The following ERI2 variants were observed in gnomAD, a reference collection of about 807,000 sequenced individuals.
ERI2 encodes the protein ERI1 exoribonuclease family member 2, also known as ERI1 exoribonuclease 2.
A neutral mutation model predicts 46.8 loss-of-function variants in ERI2; 35 were observed. The ratio of observed to expected loss-of-function variants is 0.75; its 90% CI spans 0.57 to 0.99. The LOEUF is 0.99. Among genes scored for constraint, ERI2 ranks in the 50% least tolerant of loss-of-function variants. The probability of loss-of-function intolerance (pLI) is 0.00; values close to 1 mark genes in which losing one functional copy is unlikely to be tolerated. For synonymous variants in ERI2, 224 were observed against 271.0 expected, an observed-to-expected ratio of 0.83 and a Z score of 1.70; for missense variants, 695 against 796.2, an observed-to-expected ratio of 0.87 and a Z score of 1.53.
At chr16:20,791,782 G>T (rs2080603310), downstream of ERI2, among the ~76,000 whole-genome samples, 1 of 152,054 alleles carries the variant, frequency 6.6e-6, no homozygotes, top group Admixed American at 6.6e-5. Flanking sequence ...ACAAAAATTA[G>T]CCGGGTGTGG....
intron 8 of ERI2, among the ~76,000 whole-genome samples, chr16:20,791,185 TC>T (rs1264917102): frequency 6.6e-6 from 1 of 152,200 alleles, no homozygotes; most frequent in Non-Finnish European, 1.5e-5. Context: ...TAATAAAAGA[TC>T]CAGATGCTAC....
exon 10 of ERI2, chr16:20,789,523 T>C (rs974389924): frequency 9.3e-6 from 15 of 1,613,808 alleles, no homozygotes; most frequent in Non-Finnish European, 1.2e-5. Context: ...TTACTCATAT[T>C]GGGCTTCTGA....
chr16:20,798,749 TA>T lies in ERI2; in HGVS notation c.1050del (p.Ile351SerfsTer45). ...TTTTTTCCTTGCTTTTGCATATAGATAGGTGAATTCAAGGTAGGAGACTGCA... is the reference window on the plus strand; with the variant it reads ...TTTTTTCCTTGCTTTTGCATATAGATGGTGAATTCAAGGTAGGAGACTGCA... ...GQLQSPTLNS[P>X]IYMQKQGKNE... On this transcript the variant is annotated frameshift_variant, in exon 9 of 9. Transcript: ENST00000357967. LOFTEE classifies it high-confidence loss of function. 1 of 1,551,580 alleles carries T rather than the reference TA, an allele frequency of 6.4e-7. No homozygotes were observed. The highest frequency in any genetic ancestry group is 8.7e-7 in the Non-Finnish European group (1 of 1,146,888).
intron 3 of ERI2, 42 bp downstream of exon 3, chr16:20,803,391 C>T: frequency 1.3e-6 from 2 of 1,587,758 alleles, no homozygotes; most frequent in Non-Finnish European, 8.6e-7. Flanking sequence ...TTTAAAGTGA[C>T]TCATCTAGTG....
Position 20,796,520 on chromosome 16 carries a change from T to C in ERI2, c.*1204A>G, listed in dbSNP as rs1596546288. On this transcript the variant is annotated 3_prime_UTR_variant, in exon 9 of 9. Coordinates refer to ENST00000357967, the MANE Select transcript of ERI2 (RefSeq NM_001142725.2). ...CATCCTAATTATAACGAATATTTGC[T>C]CAGTGTTGTGGACAATTTCAAGTGT... 6.2e-7 allele frequency: 1 copy of C among 1,608,742 alleles called. No individual in the cohort carries two copies. Among genetic ancestry groups the C allele is most frequent in the African/African-American group, 1.3e-5 (1 of 74,648 alleles).
intron 10 of ERI2, among the ~76,000 whole-genome samples, chr16:20,781,391 G>A (rs2080349910): frequency 2.0e-5 from 3 of 152,178 alleles, no homozygotes; most frequent in East Asian, 3.9e-4. Flanking sequence ...TTAAAAAAAT[G>A]CAAATAAAAA....
At chr16:20,784,175 C>T (rs2080418348) in intron 10 of ERI2, among the ~76,000 whole-genome samples, 1 of 152,154 alleles carries the variant, frequency 6.6e-6, no homozygotes, top group Middle Eastern at 3.2e-3. Context: ...CTTTTTTCCT[C>T]TAACAATACA....
downstream of ERI2, among the ~76,000 whole-genome samples, chr16:20,791,349 CTT>C (rs931913344): frequency 1.3e-5 from 2 of 152,182 alleles, no homozygotes; most frequent in Admixed American, 6.5e-5. Flanking sequence ...TCTTTTGACT[CTT>C]GAGTATTTAC....
intron 10 of ERI2, chr16:20,780,876 G>A (rs780992713): frequency 6.2e-7 from 1 of 1,613,858 alleles, no homozygotes; most frequent in African/African-American, 1.3e-5. Flanking sequence ...TCACAAAAGT[G>A]CAGCTTGAAG....
downstream of ERI2, chr16:20,796,104 C>A: frequency 2.8e-6 from 1 of 356,788 alleles, no homozygotes; most frequent in Non-Finnish European, 5.0e-6. Flanking sequence ...ATGGCAAACT[C>A]AGCGTGACTA....
In ERI2 at chr16:20,803,689, C is replaced by A; in HGVS notation, c.24-19G>T. On this transcript the variant is annotated intron_variant, in intron 1 of 8. Coordinates refer to ENST00000357967, the MANE Select transcript of ERI2 (RefSeq NM_001142725.2). ...AAGCTGCCTAAAAATGTGAAGCAAT[C>A]CAAATATGATCAATGAACTCATTCA... The A allele has an allele frequency of 6.2e-7, 1 of 1,612,292 alleles. No homozygotes were observed. The highest frequency in any genetic ancestry group is 8.5e-7 in the Non-Finnish European group (1 of 1,179,116).
rs1191560296 is a variant in ERI2, at chr16:20,806,413, G to C, written c.18C>G (p.Leu6=). The C allele has an allele frequency of 6.4e-7, 1 of 1,551,996 alleles. No homozygotes were observed. The highest frequency in any genetic ancestry group is 8.7e-7 in the Non-Finnish European group (1 of 1,147,720). The change falls in exon 1 of 9, where the codon CTC becomes CTG. Residue 6 remains leucine (L), a synonymous_variant. Coordinates refer to ENST00000357967, the MANE Select transcript of ERI2 (RefSeq NM_001142725.2). MATKR[L]ARQLGLIRRK... ...CCCGGAACTCCCTCGAGTACCGCGC[G>C]AGCCGCTTGGTCGCCATTCCCGACA... is the stretch of plus-strand genomic sequence containing the variant.
At chr16:20,800,467 C>T (rs1327951689) in intron 5 of ERI2, 65 bp from the exon 6 acceptor site, 6 of 906,484 alleles carry the variant, frequency 6.6e-6, no homozygotes, top group Non-Finnish European at 1.0e-5. Flanking sequence ...TATGCTGCCA[C>T]CATTTACAAA....
rs1175397934 is a variant in ERI2 at position 20,798,611 on chromosome 16, A to G, written c.1189T>C (p.Ser397Pro). 1.3e-6 allele frequency: 2 copies of G among 1,551,674 alleles called. No homozygotes were observed. The highest frequency in any genetic ancestry group is 2.4e-5 in the East Asian group (1 of 40,918). The change falls in exon 9 of 9, where the codon TCT becomes CCT. Residue 397 changes from serine to proline, a missense_variant. Physicochemically the swap from Ser to Pro is moderately conservative, Grantham distance 74 (BLOSUM62 -1). Coordinates refer to ENST00000357967, the MANE Select transcript of ERI2 (RefSeq NM_001142725.2). The part of the protein sequence containing the change: ...VHHVSDLEMS[S>P]TLDCLPVLAD... ...AACACAGGTAAACAGTCCAGAGTAG[A>G]GCTCATTTCCAAATCAGAAACATGA...
chr16:20,792,409 G>C, downstream of ERI2: 1 of 1,588,400 alleles, frequency 6.3e-7, no homozygotes, highest in Non-Finnish European at 8.6e-7. Context: ...GTAGCTCAGT[G>C]AAACAGAATT....
chr16:20,791,854 G>A, downstream of ERI2: 1 of 804,714 alleles, frequency 1.2e-6, no homozygotes, highest in South Asian at 1.8e-5. Flanking sequence ...CTTGAACCTG[G>A]GAGGCAGAGG....
downstream of ERI2, chr16:20,792,530 C>A: frequency 1.0e-6 from 1 of 985,360 alleles, no homozygotes; most frequent in Non-Finnish European, 1.2e-6. Context: ...TCCTAACAGA[C>A]AAACAAAATA....
At chr16:20,783,769 C>T (rs993496172) in intron 10 of ERI2, among the ~76,000 whole-genome samples, 1 of 152,042 alleles carries the variant, frequency 6.6e-6, no homozygotes, top group Non-Finnish European at 1.5e-5. Flanking sequence ...TCTATTCTCC[C>T]TGAAAATACA....
intron 1 of ERI2, 78 bp downstream of exon 1, chr16:20,806,330 T>C (rs2080871883): frequency 1.3e-6 from 2 of 1,529,538 alleles, no homozygotes; most frequent in Non-Finnish European, 1.8e-6. Flanking sequence ...AGATGCCACC[T>C]GCCGTGCCCT....
Sources: allele counts gnomAD v4.1 joint callset (sites outside exome capture counted in the v4.1 genomes callset), GRCh38; gene constraint gnomAD v4.1.1; transcripts MANE v1.5; gene names NCBI Gene and HGNC (gene_info 2026-07-23, HGNC 2026-07-21).